Variants in PPP3CA observed in about 807,000 individuals in gnomAD.
PPP3CA encodes protein phosphatase 3 catalytic subunit alpha, also known as CAM-PRP catalytic subunit.
A neutral mutation model predicts 66.5 loss-of-function variants in PPP3CA; 14 were observed. The observed-to-expected ratio is 0.21, with a 90% confidence interval of 0.14 to 0.33. The LOEUF (loss-of-function observed/expected upper bound fraction) is 0.33, where lower values mean the gene tolerates loss of function less well. Among genes scored for constraint, PPP3CA ranks in the 10% least tolerant of loss-of-function variants. PPP3CA has a pLI of 1.00. For missense variants in PPP3CA, 317 were observed against 639.5 expected (o/e 0.50, Z 5.44); for synonymous variants, 232 against 226.2 (o/e 1.03, Z -0.23).
intron 2 of PPP3CA, among the ~76,000 whole-genome samples, chr4:101,146,359 A>G (rs909661095): frequency 4.6e-5 from 7 of 152,236 alleles, no homozygotes; most frequent in African/African-American, 1.7e-4. Flanking sequence ...CCTGAAAGTC[A>G]GTGTTATCCT....
At chr4:101,082,783 C>G (rs1295596792) in intron 7 of PPP3CA, among the ~76,000 whole-genome samples, 1 of 152,086 alleles carries the variant, frequency 6.6e-6, no homozygotes, top group South Asian at 2.1e-4. Context: ...TTTAAAACAA[C>G]AGTAAAATGT....
At chr4:101,297,920 C>G (rs1433067198) in intron 1 of PPP3CA, among the ~76,000 whole-genome samples, 1 of 152,090 alleles carries the variant, frequency 6.6e-6, no homozygotes, top group East Asian at 1.9e-4. Flanking sequence ...TTACTTTGCT[C>G]TCCACTGTAT....
chr4:101,233,726 TA>T (rs1726035557), intron 1 of PPP3CA, among the ~76,000 whole-genome samples: 1 of 55,416 alleles, frequency 1.8e-5, no homozygotes. Context: ...TCTAGGAATT[TA>T]CAGGTCTTTT....
intron 2 of PPP3CA, among the ~76,000 whole-genome samples, chr4:101,194,271 T>C (rs1724715696): frequency 6.6e-6 from 1 of 152,228 alleles, no homozygotes; most frequent in Admixed American, 6.5e-5. Context: ...TCAAGATATT[T>C]TGATAAAGAA....
chr4:101,138,821 C>T (rs1159006600), intron 2 of PPP3CA, among the ~76,000 whole-genome samples: 1 of 152,128 alleles, frequency 6.6e-6, no homozygotes, highest in East Asian at 1.9e-4. Context: ...CAGATGTAAA[C>T]TTATGACTAT....
chr4:101,106,545 T>C (rs957655236), intron 3 of PPP3CA, among the ~76,000 whole-genome samples: 2 of 151,620 alleles, frequency 1.3e-5, no homozygotes, highest in African/African-American at 2.4e-5. Context: ...ATAACCCTAA[T>C]TCAAGGAGAA....
chr4:101,148,971 A>T (rs1254837848), intron 2 of PPP3CA, among the ~76,000 whole-genome samples: 1 of 152,176 alleles, frequency 6.6e-6, no homozygotes, highest in Admixed American at 6.5e-5. Context: ...CTTTACTAGC[A>T]TGCCATATTA....
chr4:101,128,889 C>T (rs78356018), intron 2 of PPP3CA, among the ~76,000 whole-genome samples: 11 of 151,950 alleles, frequency 7.2e-5, no homozygotes, highest in African/African-American at 1.5e-4. Flanking sequence ...GGAAGACAAG[C>T]GAGATGGAAC....
At chr4:101,311,649 G>A (rs546476562) in intron 1 of PPP3CA, among the ~76,000 whole-genome samples, 36 of 152,252 alleles carry the variant, frequency 2.4e-4, no homozygotes, top group South Asian at 2.1e-4. Flanking sequence ...GCATGGTGGC[G>A]TGTGTCTGTA....
At chr4:101,211,453 A>G (rs1725295893) in intron 1 of PPP3CA, among the ~76,000 whole-genome samples, 2 of 152,226 alleles carry the variant, frequency 1.3e-5, no homozygotes, top group Non-Finnish European at 2.9e-5. Context: ...AATAATGTTT[A>G]TTCTGCAAGC....
At chr4:101,239,189 T>C (rs540789422) in intron 1 of PPP3CA, among the ~76,000 whole-genome samples, 5 of 152,104 alleles carry the variant, frequency 3.3e-5, no homozygotes, top group Non-Finnish European at 7.4e-5. Context: ...CAAATGCAAA[T>C]TTAAACATCT....
chr4:101,083,986 A>G (rs745872370), intron 6 of PPP3CA, among the ~76,000 whole-genome samples: 2 of 152,234 alleles, frequency 1.3e-5, no homozygotes, highest in Non-Finnish European at 1.5e-5. Flanking sequence ...GTCTTTTAAG[A>G]GTCTCAAACT....
chr4:101,135,120 A>G (rs1009032836), intron 2 of PPP3CA, among the ~76,000 whole-genome samples: 2 of 152,090 alleles, frequency 1.3e-5, no homozygotes, highest in Non-Finnish European at 2.9e-5. Context: ...CCTAATGTAC[A>G]TGATGGGCTA....
chr4:101,148,651 C>T (rs1485442998), intron 2 of PPP3CA, among the ~76,000 whole-genome samples: 1 of 152,104 alleles, frequency 6.6e-6, no homozygotes, highest in African/African-American at 2.4e-5. Flanking sequence ...TGGATTGCCA[C>T]CTCTTTGGAT....
intron 8 of PPP3CA, among the ~76,000 whole-genome samples, chr4:101,071,483 GT>G: frequency 6.6e-6 from 1 of 152,246 alleles, no homozygotes; most frequent in East Asian, 1.9e-4. Flanking sequence ...TCCTCAGATT[GT>G]TACTGTTTTT....
intron 10 of PPP3CA, among the ~76,000 whole-genome samples, chr4:101,042,314 G>A (rs1273759529): frequency 2.0e-5 from 3 of 151,892 alleles, no homozygotes; most frequent in Non-Finnish European, 2.9e-5. Flanking sequence ...CCCAGAGGGT[G>A]TGTGAAAACC....
At chr4:101,134,141 C>T (rs1312889863) in intron 2 of PPP3CA, among the ~76,000 whole-genome samples, 2 of 152,094 alleles carry the variant, frequency 1.3e-5, no homozygotes, top group African/African-American at 2.4e-5. Flanking sequence ...ACCATAAAAA[C>T]CCTAGAAGAA....
chr4:101,068,295 C>A (rs959295941), intron 8 of PPP3CA, among the ~76,000 whole-genome samples: 2 of 152,122 alleles, frequency 1.3e-5, no homozygotes, highest in African/African-American at 4.8e-5. Context: ...CCTTCCAATT[C>A]TTCCACCCGC....
intron 12 of PPP3CA, among the ~76,000 whole-genome samples, chr4:101,030,380 A>G (rs1232025771): frequency 1.3e-5 from 2 of 152,116 alleles, no homozygotes; most frequent in Non-Finnish European, 2.9e-5. Flanking sequence ...ATGGAGAGAG[A>G]GAGTACATAG....
Sources: allele counts gnomAD v4.1 joint callset (sites outside exome capture counted in the v4.1 genomes callset), GRCh38; gene constraint gnomAD v4.1.1; transcripts MANE v1.5; gene names NCBI Gene and HGNC (gene_info 2026-07-23, HGNC 2026-07-21).